Variants in L2HGDH observed in about 807,000 individuals in gnomAD.
The protein encoded by L2HGDH is L-2-hydroxyglutarate dehydrogenase, mitochondrial.
L2HGDH carries 34 observed loss-of-function variants against 51.5 expected under a neutral mutation model. That is an observed-to-expected ratio of 0.66 (90% CI 0.50 to 0.88). The LOEUF is 0.88. L2HGDH is among the 40% of genes least tolerant of loss of function. L2HGDH has a pLI of 0.00. For synonymous variants in L2HGDH, 198 were observed against 197.9 expected, an observed-to-expected ratio of 1.00 and a Z score of -0.01; for missense variants, 558 against 571.9, an observed-to-expected ratio of 0.98 and a Z score of 0.25.
chr14:50,295,674 G>A (rs1304326937), intron 3 of L2HGDH, among the ~76,000 whole-genome samples: 3 of 146,002 alleles, frequency 2.1e-5, no homozygotes, highest in South Asian at 2.2e-4. Flanking sequence ...TACCCACCTC[G>A]GCCTCCCAAA....
At chr14:50,304,151 C>T (rs570007510) in intron 1 of L2HGDH, among the ~76,000 whole-genome samples, 1 of 152,306 alleles carries the variant, frequency 6.6e-6, no homozygotes, top group Non-Finnish European at 1.5e-5. Flanking sequence ...TTGAATACTG[C>T]AGGCAACTGT....
chr14:50,259,792 C>T (rs1888908416), intron 9 of L2HGDH, among the ~76,000 whole-genome samples: 1 of 151,762 alleles, frequency 6.6e-6, no homozygotes, highest in African/African-American at 2.4e-5. Flanking sequence ...TGAGACTGCG[C>T]CACTGCACTC....
rs745934118 is a variant in L2HGDH, at chr14:50,283,860, G to C, written c.703+11C>G. 6.2e-7 allele frequency: 1 copy of C among 1,612,144 alleles called. No individual in the cohort carries two copies. The highest frequency in any genetic ancestry group is 1.1e-5 in the South Asian group (1 of 91,020). ...TGACTATATTCAATAGAAAAGACAA[G>C]GATGGCTTACCATCTATACTTCTTG... is the stretch of plus-strand genomic sequence containing the variant. On this transcript the variant is annotated intron_variant, in intron 5 of 9. Transcript: ENST00000267436.
At chr14:50,288,910 T>C (rs962436573) in intron 4 of L2HGDH, among the ~76,000 whole-genome samples, 1 of 152,244 alleles carries the variant, frequency 6.6e-6, no homozygotes, top group Non-Finnish European at 1.5e-5. Context: ...CTAAAAGAGC[T>C]AATTTGGTCT....
chr14:50,246,991 G>C lies in L2HGDH; in HGVS notation c.*67C>G. The C allele has an allele frequency of 6.5e-7, 1 of 1,540,544 alleles. No homozygotes were observed. The highest frequency in any genetic ancestry group is 8.8e-7 in the Non-Finnish European group (1 of 1,135,278). On this transcript the variant is annotated 3_prime_UTR_variant, in exon 10 of 10. Transcript: ENST00000267436. The stretch of plus-strand genomic sequence containing the variant: ...TTTAAAAACCATTTTTTAAATTAAA[G>C]AATGCAATTAGTACATTCTTGTTGC...
At position 50,244,405 on chromosome 14, in the gene L2HGDH, C is replaced by T. The variant is rs923425407; in HGVS notation, c.*2653G>A. The T allele has an allele frequency of 6.1e-6, 6 of 985,214 alleles. No homozygotes were observed. Among genetic ancestry groups the T allele is most frequent in the Non-Finnish European group, 7.2e-6 (6 of 829,884 alleles). The allele number at this position is 985,214 out of a possible 1,614,324, so 61.0% of individuals were successfully genotyped here. A position where few individuals can be genotyped will look rare whatever the true frequency, so the allele number is the denominator to read the frequency against. ...GGATTGAGGACTGCTTCAATTAGGACAATCATTTTTTGTAATTCAATGTTT... is the reference window on the plus strand; with the variant it reads ...GGATTGAGGACTGCTTCAATTAGGATAATCATTTTTTGTAATTCAATGTTT... On this transcript the variant is annotated 3_prime_UTR_variant, in exon 10 of 10. Transcript: ENST00000267436.
At chr14:50,292,147 C>T (rs1433157854) in intron 4 of L2HGDH, among the ~76,000 whole-genome samples, 2 of 152,026 alleles carry the variant, frequency 1.3e-5, no homozygotes, top group African/African-American at 4.8e-5. Flanking sequence ...AATTAAAATA[C>T]ATTATGTAAT....
chr14:50,304,751 C>T (rs1030009898), intron 1 of L2HGDH, among the ~76,000 whole-genome samples: 2 of 152,070 alleles, frequency 1.3e-5, no homozygotes, highest in South Asian at 2.1e-4. Flanking sequence ...AGGAGAATGG[C>T]GTGAACCCAG....
chr14:50,305,056 A>G (rs1019516286), intron 1 of L2HGDH, among the ~76,000 whole-genome samples: 3 of 152,214 alleles, frequency 2.0e-5, no homozygotes, highest in African/African-American at 7.2e-5. Flanking sequence ...AATTGCTACC[A>G]CATCTTTGGC....
intron 9 of L2HGDH, among the ~76,000 whole-genome samples, chr14:50,256,275 G>A (rs186996646): frequency 1.3e-5 from 2 of 152,174 alleles, no homozygotes; most frequent in East Asian, 3.9e-4. Flanking sequence ...AATGCTTTTG[G>A]AGGATGAGGC....
chr14:50,262,257 C>G (rs561334476), intron 9 of L2HGDH, among the ~76,000 whole-genome samples: 25 of 152,034 alleles, frequency 1.6e-4, no homozygotes, highest in Admixed American at 1.6e-3. Context: ...CTATGAAACC[C>G]TGTCTCTATT....
Position 50,283,872 on chromosome 14 carries a change from A to ATC in L2HGDH, c.700_701dup (p.Asp234GlufsTer10). 1 of 1,613,854 alleles carries ATC rather than the reference A, an allele frequency of 6.2e-7. No individual in the cohort carries two copies. The highest frequency in any genetic ancestry group is 8.5e-7 in the Non-Finnish European group (1 of 1,179,770). Reference sequence around the variant, plus strand: ...ATAGAAAAGACAAGGATGGCTTACCATCTATACTTCTTGAAGGACTTTCTT... The same window carrying ATC: ...ATAGAAAAGACAAGGATGGCTTACCATCTCTATACTTCTTGAAGGACTTTCTT... On this transcript the variant is annotated frameshift_variant and splice_region_variant, in exon 5 of 10. Coordinates refer to ENST00000267436, the MANE Select transcript of L2HGDH (RefSeq NM_024884.3). LOFTEE classifies it high-confidence loss of function.
rs149836795 is a variant in L2HGDH, at chr14:50,250,324, C to CT, written c.1197-3072dup. Among the ~76,000 whole-genome samples the CT allele has an allele frequency of 7.3e-3, 1,118 of 152,326 alleles. 16 individuals are homozygous for CT. Among genetic ancestry groups the CT allele is most frequent in the African/African-American group, 0.025 (1,023 of 41,580 alleles). ...ACAAGCTGATGGAAGAGCCCTTGGG[C>CT]TTTAAGTGAATATTGGTGGTGGCCT... On this transcript the variant is annotated intron_variant, in intron 9 of 9. Coordinates refer to ENST00000267436, the MANE Select transcript of L2HGDH (RefSeq NM_024884.3).
At chr14:50,265,335 C>T (rs750679503) in intron 9 of L2HGDH, 23 bp downstream of exon 9, 15 of 1,601,704 alleles carry the variant, frequency 9.4e-6, no homozygotes, top group Non-Finnish European at 1.3e-5. Context: ...ACTGTATTTA[C>T]ACTCCTTATC....
chr14:50,259,507 G>A (rs1405594047), intron 9 of L2HGDH, among the ~76,000 whole-genome samples: 1 of 151,100 alleles, frequency 6.6e-6, no homozygotes, highest in Non-Finnish European at 1.5e-5. Flanking sequence ...ACCCCGCCCG[G>A]CCTCAATGTG....
chr14:50,271,014 T>C (rs1259189751), intron 6 of L2HGDH, among the ~76,000 whole-genome samples: 1 of 152,008 alleles, frequency 6.6e-6, no homozygotes, highest in Non-Finnish European at 1.5e-5. Flanking sequence ...AAAAGGGCTG[T>C]CAAGATCTTG....
intron 3 of L2HGDH, among the ~76,000 whole-genome samples, chr14:50,296,372 CAAAAAAA>C (rs59868876): frequency 0.03 from 951 of 31,464 alleles, 16 homozygotes; most frequent in South Asian, 0.15. Flanking sequence ...GACCCTGTCT[CAAAAAAA>C]AAAAAAAAAA....
rs927773441 is a variant in L2HGDH at position 50,269,253 on chromosome 14, G to A, written c.816C>T (p.Cys272=). 8.7e-6 allele frequency: 14 copies of A among 1,613,774 alleles called. No individual in the cohort carries two copies. The Admixed American group carries it at 1.0e-4, about 12-fold the overall frequency. ...YSDRISELSG[C]TPDPRIVPFR... is the part of the protein sequence containing the mutation. ...ATGGTACAATTCGAGGATCAGGAGT[G>A]CAGCCACTCAACTCTGAAATACGGT... Residue 272 remains cysteine, a synonymous_variant, in exon 7 of 10, where the codon TGC becomes TGT. Coordinates refer to ENST00000267436, the MANE Select transcript of L2HGDH (RefSeq NM_024884.3).
At chr14:50,290,036 C>T (rs1002020590) in intron 4 of L2HGDH, among the ~76,000 whole-genome samples, 1 of 152,044 alleles carries the variant, frequency 6.6e-6, no homozygotes, top group African/African-American at 2.4e-5. Flanking sequence ...GAGGCTGAGG[C>T]GGGCGGATCA....
Sources: allele counts gnomAD v4.1 joint callset (sites outside exome capture counted in the v4.1 genomes callset), GRCh38; gene constraint gnomAD v4.1.1; transcripts MANE v1.5; gene names NCBI Gene and HGNC (gene_info 2026-07-23, HGNC 2026-07-21).